Variants in RNLS observed in about 807,000 individuals in gnomAD.
The protein encoded by RNLS is renalase, FAD dependent amine oxidase, also known as renalase.
Under a neutral mutation model 39.8 loss-of-function variants are expected in RNLS, and 39 were observed. The ratio of observed to expected loss-of-function variants is 0.98; its 90% CI spans 0.76 to 1.28. The LOEUF is 1.28. RNLS is among the 50% of genes most tolerant of loss of function. The pLI is 0.00. For synonymous variants in RNLS, 147 were observed against 150.7 expected (o/e 0.98, Z 0.18); for missense variants, 410 against 413.3 (o/e 0.99, Z 0.07).
intron 4 of RNLS, among the ~76,000 whole-genome samples, chr10:88,486,834 C>T (rs1369114631): frequency 3.3e-5 from 5 of 152,120 alleles, no homozygotes; most frequent in Non-Finnish European, 5.9e-5. Flanking sequence ...ACAGAAATAT[C>T]ATTCAACCCA....
intron 5 of RNLS, among the ~76,000 whole-genome samples, chr10:88,317,112 C>A (rs954044935): frequency 4.6e-5 from 7 of 152,118 alleles, no homozygotes; most frequent in Admixed American, 3.9e-4. Flanking sequence ...AGAATATCAC[C>A]TAGCTTTTGG....
intron 4 of RNLS, among the ~76,000 whole-genome samples, chr10:88,419,482 C>T (rs895641651): frequency 1.3e-5 from 2 of 152,208 alleles, no homozygotes; most frequent in African/African-American, 4.8e-5. Flanking sequence ...TCGAGGAAAA[C>T]AAGACTGATT....
the RNLS span, among the ~76,000 whole-genome samples, chr10:88,261,854 G>A: frequency 6.6e-6 from 1 of 152,176 alleles, no homozygotes; most frequent in Admixed American, 6.5e-5. Flanking sequence ...TGTGATAAGT[G>A]CCAAAAGCCC....
chr10:88,192,755 GA>G, the RNLS span, among the ~76,000 whole-genome samples: 9 of 152,334 alleles, frequency 5.9e-5, no homozygotes, highest in Admixed American at 5.2e-4. Flanking sequence ...TGCTTATCCA[GA>G]GGGATATCTG....
In RNLS at chr10:88,395,236, GAA is replaced by G. The variant is rs35753713; in HGVS notation, c.527-32513_527-32512del. On this transcript the variant is annotated intron_variant, in intron 4 of 6. Transcript: ENST00000331772. ...AAAAGTATCAAGAACTTTAAAAGAT[GAA>G]AAAAAAAAAAAACCTCTCTGAGGAA... Among the ~76,000 whole-genome samples the G allele has an allele frequency of 8.9e-3, 1,204 of 134,634 alleles. 9 individuals carry two copies. Among genetic ancestry groups the G allele is most frequent in the East Asian group, 0.043 (195 of 4,500 alleles). The allele number at this position is 134,634 out of a possible 152,430, so 88.3% of individuals were successfully genotyped here. A position where few individuals can be genotyped will look rare whatever the true frequency, so the allele number is the denominator to read the frequency against.
At chr10:88,582,948 C>CGG in intron 1 of RNLS, 125 bp downstream of exon 1, 1 of 1,156,554 alleles carries the variant, frequency 8.6e-7, no homozygotes, top group Non-Finnish European at 1.2e-6. Flanking sequence ...CCGCGCTACA[C>CGG]GGCCGCTCAG....
the RNLS span, among the ~76,000 whole-genome samples, chr10:88,188,904 T>C: frequency 2.6e-5 from 4 of 152,218 alleles, no homozygotes; most frequent in African/African-American, 9.7e-5. Context: ...TTTTTGTAGG[T>C]GCAAGAGTCT....
intron 4 of RNLS, among the ~76,000 whole-genome samples, chr10:88,530,580 T>G (rs1323086744): frequency 6.6e-6 from 1 of 152,304 alleles, no homozygotes; most frequent in African/African-American, 2.4e-5. Context: ...GTTTAATGTT[T>G]AACAAACTAA....
At chr10:88,333,757 G>A (rs7089911) in intron 5 of RNLS, among the ~76,000 whole-genome samples, 1,637 of 152,070 alleles carry the variant, frequency 0.011, 11 homozygotes, top group Middle Eastern at 0.02. Flanking sequence ...GTATTTAGAG[G>A]TGGGGCCGTT....
At chr10:88,555,882 T>C (rs952826354) in intron 4 of RNLS, among the ~76,000 whole-genome samples, 7 of 152,162 alleles carry the variant, frequency 4.6e-5, no homozygotes, top group Non-Finnish European at 1.0e-4. Context: ...TTTCCAAACA[T>C]TGCAGTTTCT....
chr10:88,476,066 A>G (rs1322700087), intron 4 of RNLS, among the ~76,000 whole-genome samples: 2 of 152,128 alleles, frequency 1.3e-5, no homozygotes, highest in Non-Finnish European at 2.9e-5. Context: ...GAGGTTCACA[A>G]TGCAGATCCT....
chr10:88,404,020 G>A (rs570821637), intron 4 of RNLS, among the ~76,000 whole-genome samples: 3 of 151,910 alleles, frequency 2.0e-5, no homozygotes, highest in African/African-American at 4.8e-5. Flanking sequence ...CTCCAGCCTC[G>A]GCAACAGAGC....
At chr10:88,398,060 C>T (rs1481202393) in intron 4 of RNLS, among the ~76,000 whole-genome samples, 2 of 151,986 alleles carry the variant, frequency 1.3e-5, no homozygotes, top group Non-Finnish European at 1.5e-5. Flanking sequence ...TGTTTTCGTA[C>T]ATGTTTTTAA....
At chr10:88,322,744 C>T (rs1165387571) in intron 5 of RNLS, among the ~76,000 whole-genome samples, 1 of 152,174 alleles carries the variant, frequency 6.6e-6, no homozygotes, top group Non-Finnish European at 1.5e-5. Flanking sequence ...TGTCTACTCT[C>T]ATTTCTCCTA....
At chr10:88,210,488 GACGACTC>G in the RNLS span, among the ~76,000 whole-genome samples, 1 of 152,186 alleles carries the variant, frequency 6.6e-6, no homozygotes, top group African/African-American at 2.4e-5. Context: ...TGTATTCAGA[GACGACTC>G]ATGGCAGCTG....
At chr10:88,347,669 G>A (rs1347552587) in intron 5 of RNLS, among the ~76,000 whole-genome samples, 1 of 152,040 alleles carries the variant, frequency 6.6e-6, no homozygotes, top group Non-Finnish European at 1.5e-5. Context: ...ACCATACTGA[G>A]GTTGTAGAGA....
At chr10:88,275,846 G>A (rs563679148) in intron 6 of RNLS, among the ~76,000 whole-genome samples, 1 of 152,238 alleles carries the variant, frequency 6.6e-6, no homozygotes, top group South Asian at 2.1e-4. Flanking sequence ...CTTGACGGCA[G>A]GAGTTTGAGT....
chr10:88,297,192 A>G (rs1678662350), intron 6 of RNLS, among the ~76,000 whole-genome samples: 1 of 152,118 alleles, frequency 6.6e-6, no homozygotes, highest in Admixed American at 6.6e-5. Context: ...TGGTAAGTGC[A>G]TGTTTAACTT....
intron 5 of RNLS, among the ~76,000 whole-genome samples, chr10:88,349,996 T>G (rs182913932): frequency 6.6e-6 from 1 of 152,136 alleles, no homozygotes; most frequent in Non-Finnish European, 1.5e-5. Context: ...CTGCTTATTA[T>G]TTTAAGATGA....
Sources: gnomAD v4.1 joint callset for allele counts (sites outside exome capture counted in the v4.1 genomes callset) on GRCh38, gnomAD v4.1.1 for gene constraint, MANE v1.5 for transcripts, NCBI Gene and HGNC (gene_info 2026-07-23, HGNC 2026-07-21) for gene names.